The following FGF14 variants were observed in gnomAD, a reference collection of about 807,000 sequenced individuals.
FGF14 encodes the protein fibroblast growth factor homologous factor 4.
FGF14 carries 5 observed loss-of-function variants against 25.5 expected under a neutral mutation model. The ratio of observed to expected loss-of-function variants is 0.20; its 90% CI spans 0.10 to 0.41. FGF14 has a LOEUF of 0.41. Ranked by LOEUF, FGF14 falls within the 10% of genes least tolerant of loss-of-function variation. The pLI is 1.00. For synonymous variants in FGF14, 138 were observed against 118.3 expected (o/e 1.17, Z -1.08); for missense variants, 222 against 320.1 (o/e 0.69, Z 2.34).
chr13:101,846,497 C>T (rs1027358864), intron 3 of FGF14, among the ~76,000 whole-genome samples: 4 of 151,910 alleles, frequency 2.6e-5, no homozygotes, highest in African/African-American at 7.2e-5. Flanking sequence ...GCATTTTTGC[C>T]GACTCTTAAA....
chr13:101,889,563 A>T (rs2046166413), intron 1 of FGF14, among the ~76,000 whole-genome samples: 1 of 152,350 alleles, frequency 6.6e-6, no homozygotes, highest in African/African-American at 2.4e-5. Flanking sequence ...CCACGTCTGA[A>T]GAAATCCATC....
At chr13:101,760,443 A>C (rs369630863) in intron 3 of FGF14, among the ~76,000 whole-genome samples, 1 of 152,196 alleles carries the variant, frequency 6.6e-6, no homozygotes, top group Non-Finnish European at 1.5e-5. Flanking sequence ...AGACTGTCGC[A>C]GGGAGAGTTA....
intron 1 of FGF14, chr13:102,045,800 T>C (rs2041955346): frequency 6.6e-6 from 1 of 152,198 alleles, no homozygotes; most frequent in South Asian, 2.1e-4. Context: ...CTGAAAATCT[T>C]TGCTCTGCCA....
intron 1 of FGF14, among the ~76,000 whole-genome samples, chr13:102,173,263 A>T (rs76808411): frequency 0.034 from 5,208 of 152,260 alleles, 278 homozygotes; most frequent in African/African-American, 0.12. Flanking sequence ...TATTCATGCA[A>T]ATCAAAAGTA....
chr13:101,758,016 A>G (rs2037772175), intron 3 of FGF14, among the ~76,000 whole-genome samples: 1 of 152,210 alleles, frequency 6.6e-6, no homozygotes, highest in Non-Finnish European at 1.5e-5. Context: ...ATATATATAA[A>G]ACATCTAACA....
At chr13:101,915,865 T>G (rs1245226847) in intron 1 of FGF14, among the ~76,000 whole-genome samples, 1 of 152,236 alleles carries the variant, frequency 6.6e-6, no homozygotes, top group African/African-American at 2.4e-5. Context: ...AGCCCAGGGC[T>G]GCGCGCTAAG....
chr13:102,046,894 ACTG>A (rs2042008764), intron 1 of FGF14, among the ~76,000 whole-genome samples: 3 of 152,196 alleles, frequency 2.0e-5, no homozygotes, highest in Admixed American at 2.0e-4. Flanking sequence ...CTTCATGGGT[ACTG>A]CTGTCATAAT....
rs988776034 is a variant in FGF14 at position 101,721,557 on chromosome 13, G to A, written c.*1274C>T. 2.6e-5 allele frequency: 4 copies of A among 152,042 alleles called. No homozygotes were observed. Among genetic ancestry groups the A allele is most frequent in the Admixed American group, 6.6e-5 (1 of 15,248 alleles). The allele number at this position is 152,042 out of a possible 1,614,324, so 9.4% of individuals were successfully genotyped here. ...TGCTGAGCTAGAGGCATGTACTGGTGAAATACACAGTACCGGACTCAGCAT... is the reference window on the plus strand; with the variant it reads ...TGCTGAGCTAGAGGCATGTACTGGTAAAATACACAGTACCGGACTCAGCAT... On this transcript the variant is annotated 3_prime_UTR_variant, in exon 5 of 5. Coordinates refer to ENST00000376143, the MANE Select transcript of FGF14 (RefSeq NM_004115.4).
At chr13:102,112,570 C>T (rs944940021) in intron 1 of FGF14, among the ~76,000 whole-genome samples, 2 of 152,000 alleles carry the variant, frequency 1.3e-5, no homozygotes, top group African/African-American at 2.4e-5. Flanking sequence ...CAACATTTAC[C>T]GAAAGTCTTC....
intron 1 of FGF14, among the ~76,000 whole-genome samples, chr13:102,135,051 ACACAC>A (rs1354031808): frequency 6.0e-5 from 9 of 150,924 alleles, no homozygotes; most frequent in African/African-American, 2.0e-4. Flanking sequence ...ACACACACAC[ACACAC>A]ACACAAATCC....
At chr13:101,852,794 A>G (rs2140370899) in intron 3 of FGF14, among the ~76,000 whole-genome samples, 1 of 152,208 alleles carries the variant, frequency 6.6e-6, no homozygotes, top group South Asian at 2.1e-4. Context: ...ATATGCAAAT[A>G]GATGTCTTGC....
intron 3 of FGF14, among the ~76,000 whole-genome samples, chr13:101,732,292 T>A (rs2035861278): frequency 6.6e-6 from 1 of 152,146 alleles, no homozygotes; most frequent in African/African-American, 2.4e-5. Context: ...TTGCCCACCA[T>A]CACCATTTAA....
intron 1 of FGF14, among the ~76,000 whole-genome samples, chr13:102,288,144 T>A (rs888827389): frequency 6.6e-6 from 1 of 152,232 alleles, no homozygotes. Flanking sequence ...TTTCTCCAGC[T>A]TTTTTATTTT....
chr13:102,095,254 A>G (rs960383630), intron 1 of FGF14, among the ~76,000 whole-genome samples: 1 of 152,168 alleles, frequency 6.6e-6, no homozygotes, highest in Non-Finnish European at 1.5e-5. Flanking sequence ...GGATCTTGGA[A>G]AAATTCAAGA....
intron 1 of FGF14, among the ~76,000 whole-genome samples, chr13:102,126,272 T>C (rs541777100): frequency 2.3e-4 from 35 of 152,342 alleles, no homozygotes; most frequent in African/African-American, 7.5e-4. Flanking sequence ...TTTAGGTCTC[T>C]ATGAATTTCC....
Position 102,364,770 on chromosome 13 carries a change from G to A in FGF14, c.208+36701C>T, listed in dbSNP as rs550125313. On this transcript the variant is annotated intron_variant, in intron 1 of 4. Transcript: ENST00000376131. ...AGTGGTCAGAAACCACGGTCTCTCC[G>A]AACTTCTCCATTCAGTTCCTCTGCA... 6.6e-5 allele frequency among the ~76,000 whole-genome samples: 10 copies of A among 152,246 alleles called. No homozygotes were observed. The South Asian group carries it at 1.5e-3, about 22-fold the overall frequency.
At chr13:102,033,326 T>A (rs2041305872) in intron 1 of FGF14, among the ~76,000 whole-genome samples, 1 of 152,050 alleles carries the variant, frequency 6.6e-6, no homozygotes. Flanking sequence ...AATACAGTAG[T>A]TCTACAATAG....
At chr13:102,301,342 A>G (rs532225829) in intron 1 of FGF14, among the ~76,000 whole-genome samples, 7 of 152,332 alleles carry the variant, frequency 4.6e-5, no homozygotes, top group African/African-American at 1.4e-4. Flanking sequence ...ATTTCACATA[A>G]TGTAGCTGAT....
At chr13:102,067,558 C>T (rs2765634) in intron 1 of FGF14, among the ~76,000 whole-genome samples, 5,146 of 151,400 alleles carry the variant, frequency 0.034, 270 homozygotes, top group African/African-American at 0.12. Context: ...CAAGAGCACG[C>T]TTCCCAAGGA....
Sources: allele counts gnomAD v4.1 joint callset (sites outside exome capture counted in the v4.1 genomes callset), GRCh38; gene constraint gnomAD v4.1.1; transcripts MANE v1.5; gene names NCBI Gene and HGNC (gene_info 2026-07-23, HGNC 2026-07-21).